DSCAML1: variants seen among roughly 807,000 people sequenced by gnomAD.
DSCAML1 encodes DS cell adhesion molecule like 1.
Under a neutral mutation model 200.5 loss-of-function variants are expected in DSCAML1, and 38 were observed. The ratio of observed to expected loss-of-function variants is 0.19; its 90% CI spans 0.15 to 0.25. DSCAML1 has a LOEUF of 0.25. Among genes scored for constraint, DSCAML1 ranks in the 10% least tolerant of loss-of-function variants. DSCAML1 has a pLI of 1.00. For synonymous variants in DSCAML1, 1,215 were observed against 1,165.0 expected, an observed-to-expected ratio of 1.04 and a Z score of -0.87; for missense variants, 2,223 against 2,858.8, an observed-to-expected ratio of 0.78 and a Z score of 5.07.
At chr11:117,641,752 G>A (rs1482721634) in intron 3 of DSCAML1, among the ~76,000 whole-genome samples, 3 of 152,114 alleles carry the variant, frequency 2.0e-5, no homozygotes, top group African/African-American at 2.4e-5. Flanking sequence ...TGAGGCCTGC[G>A]ACCGGCTCTA....
Position 117,461,553 on chromosome 11 carries a change from A to C in DSCAML1, c.3309T>G (p.Thr1103=). ...PPENVRALSI[T]SDVAVISWSE... ...ACCAGGAGATGACGGCCACGTCAGAAGTGATGGACAGGGCCCGGACGTTCT... is the reference window on the plus strand; with the variant it reads ...ACCAGGAGATGACGGCCACGTCAGACGTGATGGACAGGGCCCGGACGTTCT... Residue 1103 remains threonine, a synonymous_variant, in exon 18 of 33, where the codon ACT becomes ACG. Coordinates refer to ENST00000651296, the MANE Select transcript of DSCAML1 (RefSeq NM_020693.4). 1 of 1,614,072 alleles carries C rather than the reference A, an allele frequency of 6.2e-7. No individual in the cohort carries two copies.
chr11:117,483,665 C>T (rs547898570), intron 11 of DSCAML1, among the ~76,000 whole-genome samples: 10 of 152,266 alleles, frequency 6.6e-5, no homozygotes, highest in Middle Eastern at 3.4e-3. Flanking sequence ...GAGGGAAGGG[C>T]GCCCAGGCAG....
chr11:117,458,556 A>G (rs538216890), intron 19 of DSCAML1, among the ~76,000 whole-genome samples, 198 bp downstream of exon 19: 4 of 151,592 alleles, frequency 2.6e-5, no homozygotes, highest in Non-Finnish European at 4.4e-5. Context: ...GGGGAGGTGC[A>G]GGGAGGTTCA....
At chr11:117,650,667 CTGTGTGTGTGTGTGTGTGTGTG>C (rs66966642) in intron 3 of DSCAML1, among the ~76,000 whole-genome samples, 1 of 143,432 alleles carries the variant, frequency 7.0e-6, no homozygotes, top group Non-Finnish European at 1.5e-5. Context: ...GTGTGTCTAT[CTGTGTGTGTGTGTGTGTGTGTG>C]TGTGTGTGTG....
At chr11:117,701,638 A>G (rs1225921430) in intron 3 of DSCAML1, among the ~76,000 whole-genome samples, 1 of 152,106 alleles carries the variant, frequency 6.6e-6, no homozygotes, top group African/African-American at 2.4e-5. Flanking sequence ...TTTCCATCCC[A>G]TTCTCACTTC....
chr11:117,630,670 A>C (rs1221673763), intron 3 of DSCAML1, among the ~76,000 whole-genome samples: 1 of 150,286 alleles, frequency 6.7e-6, no homozygotes, highest in African/African-American at 2.4e-5. Context: ...AAAAAAAAAA[A>C]AAAAAAAAAA....
chr11:117,538,538 G>T (rs925577110), intron 3 of DSCAML1, among the ~76,000 whole-genome samples: 4 of 152,210 alleles, frequency 2.6e-5, no homozygotes, highest in Non-Finnish European at 4.4e-5. Context: ...AGATGAAGAA[G>T]CCTCCTTGGC....
chr11:117,564,957 G>A (rs1239231505), intron 3 of DSCAML1, among the ~76,000 whole-genome samples: 1 of 151,976 alleles, frequency 6.6e-6, no homozygotes, highest in African/African-American at 2.4e-5. Context: ...GTAGAGACGG[G>A]GTTTCACCAT....
At chr11:117,450,214 G>A (rs984917346) in intron 20 of DSCAML1, among the ~76,000 whole-genome samples, 1 of 152,228 alleles carries the variant, frequency 6.6e-6, no homozygotes, top group Middle Eastern at 3.2e-3. Context: ...GCACAGACCA[G>A]CCTGGGGACC....
chr11:117,772,989 T>C (rs559945996), intron 3 of DSCAML1, among the ~76,000 whole-genome samples: 2 of 152,306 alleles, frequency 1.3e-5, no homozygotes, highest in South Asian at 4.1e-4. Context: ...GGGTAGCACT[T>C]TGGGCTGTTT....
intron 3 of DSCAML1, among the ~76,000 whole-genome samples, chr11:117,666,158 T>C (rs1443148819): frequency 6.6e-6 from 1 of 152,114 alleles, no homozygotes; most frequent in Non-Finnish European, 1.5e-5. Flanking sequence ...GGGGCATGGA[T>C]CTCAGAAGGC....
chr11:117,726,777 C>T (rs2054139867), intron 3 of DSCAML1, among the ~76,000 whole-genome samples: 1 of 152,118 alleles, frequency 6.6e-6, no homozygotes, highest in Non-Finnish European at 1.5e-5. Flanking sequence ...AAACCCCCAG[C>T]ATGGAGAGGT....
intron 3 of DSCAML1, among the ~76,000 whole-genome samples, chr11:117,630,941 A>C (rs2052160460): frequency 6.6e-6 from 1 of 152,228 alleles, no homozygotes; most frequent in Non-Finnish European, 1.5e-5. Context: ...GGATCACAGC[A>C]TTTAGGTCAA....
intron 21 of DSCAML1, 57 bp from the exon 22 acceptor site, chr11:117,439,993 C>G (rs2048010465): frequency 6.8e-6 from 10 of 1,468,332 alleles, no homozygotes; most frequent in Non-Finnish European, 9.5e-6. Flanking sequence ...AATATCCTGG[C>G]CTCCTTCCTT....
At position 117,524,846 on chromosome 11, in the gene DSCAML1, G is replaced by A. The variant is rs1439007141; in HGVS notation, c.896C>T (p.Thr299Ile). The change falls in exon 5 of 33, where the codon ACC becomes ATC. Residue 299 changes from threonine to isoleucine, a missense_variant. By Grantham distance (89) the Thr-to-Ile change is moderately conservative (BLOSUM62 -1). This residue lies in a region of DSCAML1 where 579 missense variants were observed against 721.5 expected (regional missense o/e 0.80). Transcript: ENST00000651296. ...GCCTGTGGCCTCTGCCGAACCGAAG[G>A]TGTTGGTGACCTCACAAATGTAGGT... is the stretch of plus-strand genomic sequence containing the variant. Reference protein sequence around the residue: ...SGTYICEVTNTFGSAEATGIL... With the variant: ...SGTYICEVTNIFGSAEATGIL... 3.1e-6 allele frequency: 5 copies of A among 1,597,610 alleles called. No homozygotes were observed. In the Admixed American group the frequency reaches 6.9e-5, roughly 22 times the overall value.
At chr11:117,805,775 A>C (rs1438534795) in intron 1 of DSCAML1, among the ~76,000 whole-genome samples, 1 of 152,202 alleles carries the variant, frequency 6.6e-6, no homozygotes, top group Non-Finnish European at 1.5e-5. Flanking sequence ...CGATCCCTGG[A>C]AAGTCTAGCA....
intron 3 of DSCAML1, among the ~76,000 whole-genome samples, chr11:117,664,664 G>C (rs992374497): frequency 1.3e-5 from 2 of 152,212 alleles, no homozygotes; most frequent in Non-Finnish European, 2.9e-5. Flanking sequence ...GGAGCTCCTC[G>C]CATTTTTGGT....
chr11:117,433,219 G>C lies in DSCAML1; in HGVS notation c.4945C>G (p.Pro1649Ala), dbSNP rs2047839696. ...NRSFDTPVKG[P>A]PQGPRLHIDI... ...ATGTGTAGCCGTGGGCCCTGGGGTG[G>C]CCCTTTCACAGGGGTGTCAAAGCTT... is the stretch of plus-strand genomic sequence containing the variant. The change falls in exon 29 of 33, where the codon CCA (proline) becomes GCA (alanine). Residue 1649 changes from proline (P) to alanine (A), a missense_variant. Physicochemically the swap from Pro to Ala is conservative, Grantham distance 27. Transcript: ENST00000651296. The C allele has an allele frequency of 1.9e-6, 3 of 1,613,426 alleles. No homozygotes were observed. In the South Asian group the frequency reaches 3.3e-5, roughly 18 times the overall value.
At position 117,513,539 on chromosome 11, in the gene DSCAML1, G is replaced by A. The variant is rs187562118; in HGVS notation, c.1783+2928C>T. On this transcript the variant is annotated intron_variant, in intron 8 of 32. Transcript: ENST00000651296. Reference sequence around the variant, plus strand: ...GTGGATCACCTGAGGTCAGGAGTCCGAGACCAGCCTGACCAATATGGTGAA... The same window carrying A: ...GTGGATCACCTGAGGTCAGGAGTCCAAGACCAGCCTGACCAATATGGTGAA... Among the ~76,000 whole-genome samples the A allele has an allele frequency of 7.0e-3, 1,064 of 152,104 alleles. 12 individuals are homozygous for A. Among genetic ancestry groups the A allele is most frequent in the South Asian group, 0.034 (163 of 4,798 alleles).
Sources: allele counts gnomAD v4.1 joint callset (sites outside exome capture counted in the v4.1 genomes callset), GRCh38; gene constraint gnomAD v4.1.1; regional missense constraint gnomAD v4.1.1; transcripts MANE v1.5; gene names NCBI Gene and HGNC (gene_info 2026-07-23, HGNC 2026-07-21).